ZBTB44: variants seen among roughly 807,000 people sequenced by gnomAD.
ZBTB44 encodes the protein zinc finger and BTB domain-containing protein 44.
ZBTB44 carries 15 observed loss-of-function variants against 54.0 expected under a neutral mutation model. The observed-to-expected ratio is 0.28, with a 90% confidence interval of 0.19 to 0.43. ZBTB44 has a LOEUF of 0.43. ZBTB44 is among the 20% of genes least tolerant of loss of function. ZBTB44 has a pLI of 1.00. For synonymous variants in ZBTB44, 230 were observed against 250.1 expected (o/e 0.92, Z 0.76); for missense variants, 487 against 707.1 (o/e 0.69, Z 3.53).
chr11:130,312,672 G>T (rs1211057374), intron 1 of ZBTB44, among the ~76,000 whole-genome samples: 2 of 152,148 alleles, frequency 1.3e-5, no homozygotes, highest in Non-Finnish European at 2.9e-5. Flanking sequence ...AAGAAGAGGG[G>T]ATGGATACTC....
chr11:130,306,098 A>G (rs1022153505), intron 1 of ZBTB44, among the ~76,000 whole-genome samples: 5 of 152,220 alleles, frequency 3.3e-5, no homozygotes, highest in African/African-American at 1.2e-4. Flanking sequence ...TTTAAAAATT[A>G]AAAATAATAA....
At chr11:130,299,559 A>C (rs1403258620) in intron 1 of ZBTB44, among the ~76,000 whole-genome samples, 1 of 141,992 alleles carries the variant, frequency 7.0e-6, no homozygotes, top group Non-Finnish European at 1.5e-5. Flanking sequence ...TCTCGGGGAC[A>C]AAAAAAAAAA....
intron 1 of ZBTB44, among the ~76,000 whole-genome samples, chr11:130,273,307 ATTTTT>A (rs34506406): frequency 7.9e-6 from 1 of 126,314 alleles, no homozygotes; most frequent in Admixed American, 8.6e-5. Context: ...TATTTTCTTA[ATTTTT>A]TTTTTTTTTT....
chr11:130,260,763 A>G (rs1471291544), intron 2 of ZBTB44, 93 bp downstream of exon 2: 3 of 1,373,330 alleles, frequency 2.2e-6, no homozygotes, highest in Non-Finnish European at 2.9e-6. Flanking sequence ...TATATTTCCT[A>G]TATGACCGAG....
chr11:130,280,627 T>G (rs146641414), intron 1 of ZBTB44, among the ~76,000 whole-genome samples: 2 of 152,192 alleles, frequency 1.3e-5, no homozygotes, highest in African/African-American at 2.4e-5. Flanking sequence ...AACAGAAGAA[T>G]AGTCAGTCTT....
intron 3 of ZBTB44, 75 bp downstream of exon 3, chr11:130,239,737 T>C (rs747914699): frequency 1.1e-4 from 136 of 1,209,286 alleles, no homozygotes; most frequent in Admixed American, 8.8e-4. Context: ...TCTACAACTC[T>C]TGAGATGAAA....
At chr11:130,293,622 GAA>G (rs771432644) in intron 1 of ZBTB44, among the ~76,000 whole-genome samples, 4 of 100,040 alleles carry the variant, frequency 4.0e-5, no homozygotes, top group Non-Finnish European at 6.6e-5. Context: ...TCTACTTAAA[GAA>G]AAAAAAAAAA....
At chr11:130,254,197 CA>C (rs1291571650) in intron 2 of ZBTB44, among the ~76,000 whole-genome samples, 3 of 152,128 alleles carry the variant, frequency 2.0e-5, no homozygotes, top group African/African-American at 7.2e-5. Flanking sequence ...GCAATGGCAA[CA>C]AAAGCCAAAA....
chr11:130,284,118 G>A (rs1165361731), intron 1 of ZBTB44, among the ~76,000 whole-genome samples: 1 of 151,716 alleles, frequency 6.6e-6, no homozygotes, highest in African/African-American at 2.4e-5. Flanking sequence ...GCGAAACCCC[G>A]TCTCTACTAA....
At chr11:130,281,347 C>G (rs1189500706) in intron 1 of ZBTB44, among the ~76,000 whole-genome samples, 1 of 151,858 alleles carries the variant, frequency 6.6e-6, no homozygotes, top group Non-Finnish European at 1.5e-5. Flanking sequence ...CAGTGAGACC[C>G]TGTCTCCACA....
intron 1 of ZBTB44, among the ~76,000 whole-genome samples, chr11:130,273,893 A>ACC (rs147788703): frequency 2.8e-5 from 4 of 140,820 alleles, no homozygotes; most frequent in African/African-American, 7.9e-5. Flanking sequence ...ACATGGAGAG[A>ACC]CCCCACCCGC....
intron 1 of ZBTB44, among the ~76,000 whole-genome samples, chr11:130,294,911 GCTC>G (rs1941549330): frequency 6.6e-6 from 1 of 152,112 alleles, no homozygotes; most frequent in Non-Finnish European, 1.5e-5. Context: ...CATTTAAAGA[GCTC>G]CTTATTTTCC....
At chr11:130,233,732 T>C (rs1953984064) in intron 6 of ZBTB44, 13 of 1,165,286 alleles carry the variant, frequency 1.1e-5, no homozygotes, top group Non-Finnish European at 1.4e-5. Context: ...AACTGGTATA[T>C]GTTTTAAGTC....
intron 5 of ZBTB44, chr11:130,236,546 C>T (rs1954119556): frequency 2.7e-6 from 1 of 372,744 alleles, no homozygotes; most frequent in Non-Finnish European, 4.6e-6. Flanking sequence ...CTCAAGAGGA[C>T]AAGTAGTCTA....
chr11:130,293,298 C>G (rs1418500837), intron 1 of ZBTB44, among the ~76,000 whole-genome samples: 1 of 95,084 alleles, frequency 1.1e-5, no homozygotes, highest in Admixed American at 1.4e-4. Flanking sequence ...CTTGTCTCTA[C>G]TAAAAATTAA....
chr11:130,242,505 T>C (rs1316856413), intron 2 of ZBTB44, among the ~76,000 whole-genome samples: 1 of 151,802 alleles, frequency 6.6e-6, no homozygotes, highest in African/African-American at 2.4e-5. Context: ...TTGGCAATGA[T>C]TTGCTGATGA....
At chr11:130,254,678 G>A (rs558208971) in intron 2 of ZBTB44, among the ~76,000 whole-genome samples, 19 of 152,208 alleles carry the variant, frequency 1.2e-4, no homozygotes, top group African/African-American at 4.6e-4. Context: ...GATTCCTCAG[G>A]GATCTAGAAC....
At chr11:130,284,416 A>T (rs1940781412) in intron 1 of ZBTB44, among the ~76,000 whole-genome samples, 1 of 152,236 alleles carries the variant, frequency 6.6e-6, no homozygotes, top group Admixed American at 6.5e-5. Context: ...ACAAACATTT[A>T]CTGGTGGCAT....
intron 4 of ZBTB44, 42 bp downstream of exon 4, chr11:130,238,402 T>C (rs763188597): frequency 6.5e-7 from 1 of 1,537,966 alleles, no homozygotes; most frequent in Admixed American, 2.1e-5. Flanking sequence ...ATAAAATGTT[T>C]TAGAGCGTTC....
Sources: gnomAD v4.1 joint callset for allele counts (sites outside exome capture counted in the v4.1 genomes callset) on GRCh38, gnomAD v4.1.1 for gene constraint, MANE v1.5 for transcripts, NCBI Gene and HGNC (gene_info 2026-07-23, HGNC 2026-07-21) for gene names.